PDE4B: variants seen among roughly 807,000 people sequenced by gnomAD.
PDE4B encodes phosphodiesterase 4B.
In PDE4B, 20 loss-of-function variants were observed where a neutral mutation model predicts 82.2. The ratio of observed to expected loss-of-function variants is 0.24; its 90% confidence interval spans 0.17 to 0.35. The LOEUF (loss-of-function observed/expected upper bound fraction) is 0.35. PDE4B is among the 10% of genes least tolerant of loss of function. PDE4B has a pLI of 1.00. For synonymous variants in PDE4B, 320 were observed against 318.9 expected (o/e 1.00, Z -0.04); for missense variants, 655 against 907.2 (o/e 0.72, Z 3.57).
chr1:65,854,865 G>C (rs1022409918), intron 1 of PDE4B, among the ~76,000 whole-genome samples: 26 of 151,714 alleles, frequency 1.7e-4, no homozygotes, highest in African/African-American at 6.0e-4. Context: ...TCAGGTCATT[G>C]AGTTTTTGTT....
intron 7 of PDE4B, 200 bp from the exon 8 acceptor site, chr1:66,332,308 C>T (rs749255322): frequency 2.7e-5 from 42 of 1,551,708 alleles, no homozygotes; most frequent in Non-Finnish European, 3.7e-5. Flanking sequence ...GGAAACTTGG[C>T]ACCAGCCATC....
intron 3 of PDE4B, among the ~76,000 whole-genome samples, chr1:66,083,127 T>C (rs367874542): frequency 1.3e-5 from 2 of 152,156 alleles, no homozygotes; most frequent in African/African-American, 4.8e-5. Flanking sequence ...TTAGTGTCCA[T>C]GCCTATAGTA....
chr1:66,345,295 G>C (rs150433344), intron 8 of PDE4B, among the ~76,000 whole-genome samples: 1 of 151,780 alleles, frequency 6.6e-6, no homozygotes, highest in African/African-American at 2.4e-5. Context: ...TTATATTCTC[G>C]TATAACTTGT....
intron 3 of PDE4B, among the ~76,000 whole-genome samples, chr1:65,974,533 A>G (rs1650309237): frequency 6.6e-6 from 1 of 152,078 alleles, no homozygotes; most frequent in Admixed American, 6.5e-5. Flanking sequence ...CTTTGTTTCT[A>G]TTCATTGCAG....
At chr1:66,336,579 C>G (rs959492759) in intron 8 of PDE4B, among the ~76,000 whole-genome samples, 1 of 152,164 alleles carries the variant, frequency 6.6e-6, no homozygotes, top group Admixed American at 6.5e-5. Context: ...GTTTTATATG[C>G]AGAACAAAGG....
chr1:65,913,286 C>A lies in PDE4B; in HGVS notation c.-29C>A. ...GCAAACTGCATTGAATAACAGACATCCTAAGAGGGGATATTTTCCACCTCT... is the reference window on the plus strand; with the variant it reads ...GCAAACTGCATTGAATAACAGACATACTAAGAGGGGATATTTTCCACCTCT... On this transcript the variant is annotated 5_prime_UTR_variant, in exon 2 of 17. Coordinates refer to ENST00000341517, the MANE Select transcript of PDE4B (RefSeq NM_002600.4). 1 of 1,605,098 alleles carries A rather than the reference C, an allele frequency of 6.2e-7. No homozygotes were observed. Among genetic ancestry groups the A allele is most frequent in the Non-Finnish European group, 8.5e-7 (1 of 1,172,010 alleles).
intron 3 of PDE4B, among the ~76,000 whole-genome samples, chr1:65,995,406 T>C (rs1651485606): frequency 1.3e-5 from 2 of 152,198 alleles, no homozygotes; most frequent in Admixed American, 1.3e-4. Context: ...TTTCAAATCT[T>C]AAAAATTTTG....
At chr1:66,230,306 A>G (rs1318636794) in intron 3 of PDE4B, among the ~76,000 whole-genome samples, 1 of 152,220 alleles carries the variant, frequency 6.6e-6, no homozygotes, top group African/African-American at 2.4e-5. Context: ...TAAAGGTTAG[A>G]TAAGCCATGG....
intron 8 of PDE4B, among the ~76,000 whole-genome samples, chr1:66,345,050 G>A (rs1023455736): frequency 2.0e-5 from 3 of 152,146 alleles, no homozygotes; most frequent in Non-Finnish European, 4.4e-5. Context: ...CATACACAGC[G>A]CTCTTACCTG....
At chr1:65,983,228 C>A (rs1177649982) in intron 3 of PDE4B, among the ~76,000 whole-genome samples, 1 of 152,160 alleles carries the variant, frequency 6.6e-6, no homozygotes, top group Non-Finnish European at 1.5e-5. Flanking sequence ...AAGAACTTTG[C>A]CGCAGGATGA....
At chr1:66,226,851 A>G (rs1651493610) in intron 3 of PDE4B, among the ~76,000 whole-genome samples, 1 of 152,252 alleles carries the variant, frequency 6.6e-6, no homozygotes, top group Non-Finnish European at 1.5e-5. Context: ...GAATCAAAGA[A>G]TGGAAACAAG....
chr1:66,024,106 C>T (rs1183230189), intron 3 of PDE4B, among the ~76,000 whole-genome samples: 1 of 152,064 alleles, frequency 6.6e-6, no homozygotes, highest in African/African-American at 2.4e-5. Context: ...GTTCTCCATT[C>T]TGAGAGACTG....
intron 3 of PDE4B, among the ~76,000 whole-genome samples, chr1:66,235,991 C>T (rs901785270): frequency 2.6e-5 from 4 of 152,196 alleles, no homozygotes; most frequent in Non-Finnish European, 5.9e-5. Flanking sequence ...ATTGGCTGAG[C>T]TCAGCTATTT....
At chr1:66,298,326 C>T (rs975453990) in intron 7 of PDE4B, among the ~76,000 whole-genome samples, 1 of 152,058 alleles carries the variant, frequency 6.6e-6, no homozygotes, top group Non-Finnish European at 1.5e-5. Flanking sequence ...GGAAGCTTGC[C>T]TGACTACCTA....
At chr1:65,862,596 G>A (rs960646638) in intron 1 of PDE4B, among the ~76,000 whole-genome samples, 3 of 151,904 alleles carry the variant, frequency 2.0e-5, no homozygotes, top group African/African-American at 4.8e-5. Flanking sequence ...CTCTTTTTTT[G>A]TTGTTTGGAA....
At chr1:66,180,004 A>G (rs537570528) in intron 3 of PDE4B, among the ~76,000 whole-genome samples, 1 of 152,368 alleles carries the variant, frequency 6.6e-6, no homozygotes, top group Admixed American at 6.5e-5. Flanking sequence ...AGGTAGATTA[A>G]CTGAAATAAT....
chr1:66,281,075 C>A (rs1656269281), intron 7 of PDE4B, among the ~76,000 whole-genome samples: 1 of 152,192 alleles, frequency 6.6e-6, no homozygotes, highest in Non-Finnish European at 1.5e-5. Flanking sequence ...CAGTTTCCTG[C>A]TCACTCTTAT....
chr1:66,007,664 T>G (rs1652224773), intron 3 of PDE4B, among the ~76,000 whole-genome samples: 1 of 152,138 alleles, frequency 6.6e-6, no homozygotes, highest in African/African-American at 2.4e-5. Context: ...GAGAATCTGG[T>G]GTACTAGCAA....
chr1:66,292,716 C>T (rs12405440), intron 7 of PDE4B, among the ~76,000 whole-genome samples: 2,424 of 152,244 alleles, frequency 0.016, 33 homozygotes, highest in African/African-American at 0.042. Context: ...ATATCGTACA[C>T]TGTTCTTATT....
Sources: gnomAD v4.1 joint callset for allele counts (sites outside exome capture counted in the v4.1 genomes callset) on GRCh38, gnomAD v4.1.1 for gene constraint, MANE v1.5 for transcripts, NCBI Gene and HGNC (gene_info 2026-07-23, HGNC 2026-07-21) for gene names.